Variants in EPB41L5 observed in about 807,000 individuals in gnomAD.
The protein encoded by EPB41L5 is erythrocyte membrane protein band 4.1 like 5.
In EPB41L5, 55 loss-of-function variants were observed where a neutral mutation model predicts 106.6. That is an observed-to-expected ratio of 0.52 (90% CI 0.42 to 0.65). The LOEUF (loss-of-function observed/expected upper bound fraction) is 0.65, where lower values mean the gene tolerates loss of function less well. Ranked by LOEUF, EPB41L5 falls within the 30% of genes least tolerant of loss-of-function variation. EPB41L5 has a pLI of 0.00. For synonymous variants in EPB41L5, 297 were observed against 306.7 expected (o/e 0.97, Z 0.33); for missense variants, 871 against 882.1 (o/e 0.99, Z 0.16).
chr2:120,074,033 T>C, intron 4 of EPB41L5, 67 bp from the exon 5 acceptor site: 2 of 1,271,466 alleles, frequency 1.6e-6, no homozygotes, highest in South Asian at 2.8e-5. Context: ...TTTGACCAGT[T>C]TTCTGGCTGA....
At chr2:120,041,518 C>T (rs577306258) in intron 2 of EPB41L5, among the ~76,000 whole-genome samples, 112 of 152,236 alleles carry the variant, frequency 7.4e-4, no homozygotes, top group African/African-American at 2.6e-3. Context: ...TCTTACCTTA[C>T]GTTCTCTTCC....
chr2:120,057,564 A>G (rs1281607258), intron 3 of EPB41L5, among the ~76,000 whole-genome samples: 1 of 152,136 alleles, frequency 6.6e-6, no homozygotes, highest in Non-Finnish European at 1.5e-5. Context: ...GGGAAGATGG[A>G]TAATGGTATA....
chr2:120,140,566 A>C (rs1473289048), intron 18 of EPB41L5, among the ~76,000 whole-genome samples: 2 of 152,032 alleles, frequency 1.3e-5, no homozygotes, highest in African/African-American at 2.4e-5. Flanking sequence ...CCGATCTGAA[A>C]ATTTAAAATT....
At chr2:120,085,951 G>C (rs1299298384) in intron 10 of EPB41L5, among the ~76,000 whole-genome samples, 1 of 152,158 alleles carries the variant, frequency 6.6e-6, no homozygotes, top group Non-Finnish European at 1.5e-5. Context: ...GCTCACTCCT[G>C]TAATCCCCAC....
chr2:120,121,124 C>G (rs1341670728), intron 16 of EPB41L5, among the ~76,000 whole-genome samples: 1 of 152,180 alleles, frequency 6.6e-6, no homozygotes, highest in Non-Finnish European at 1.5e-5. Flanking sequence ...TCTAAAACAT[C>G]TGTCCAATTG....
chr2:120,118,669 G>T (rs562908949), intron 16 of EPB41L5, among the ~76,000 whole-genome samples: 1 of 152,184 alleles, frequency 6.6e-6, no homozygotes, highest in African/African-American at 2.4e-5. Context: ...TGCAAAGGAC[G>T]TGATCTCATT....
chr2:120,050,155 T>G (rs1680127354), intron 3 of EPB41L5, among the ~76,000 whole-genome samples: 1 of 152,200 alleles, frequency 6.6e-6, no homozygotes, highest in Admixed American at 6.5e-5. Flanking sequence ...GAGTTGCTCT[T>G]CTCGAGGAGT....
intron 10 of EPB41L5, among the ~76,000 whole-genome samples, chr2:120,079,158 A>C (rs943876243): frequency 1.6e-4 from 25 of 152,338 alleles, no homozygotes; most frequent in African/African-American, 5.3e-4. Context: ...CTCTATCAGA[A>C]TAGTACAGAG....
At chr2:120,044,434 A>G (rs1404090442) in intron 3 of EPB41L5, among the ~76,000 whole-genome samples, 1 of 152,210 alleles carries the variant, frequency 6.6e-6, no homozygotes, top group African/African-American at 2.4e-5. Context: ...TAATTTTAAT[A>G]TCATTCAGCT....
chr2:120,163,131 T>C (rs764587332), intron 21 of EPB41L5, among the ~76,000 whole-genome samples: 7 of 152,048 alleles, frequency 4.6e-5, no homozygotes, highest in African/African-American at 7.2e-5. Context: ...TTGGCATGCC[T>C]GTAGTCCTAT....
chr2:120,148,317 A>G (rs1362254131), intron 20 of EPB41L5, among the ~76,000 whole-genome samples: 1 of 151,742 alleles, frequency 6.6e-6, no homozygotes, highest in African/African-American at 2.4e-5. Flanking sequence ...CCTTACCCTC[A>G]CTCCTTACCC....
chr2:120,043,051 A>G (rs915845982), intron 3 of EPB41L5, among the ~76,000 whole-genome samples: 9 of 137,888 alleles, frequency 6.5e-5, no homozygotes, highest in African/African-American at 2.7e-4. Context: ...GTGTGTGTTT[A>G]GAGGGGAACT....
Position 120,077,015 on chromosome 2 carries a change from G to A in EPB41L5, c.550G>A (p.Val184Ile). 1 of 1,612,168 alleles carries A rather than the reference G, an allele frequency of 6.2e-7. No homozygotes were observed. The highest frequency in any genetic ancestry group is 8.5e-7 in the Non-Finnish European group (1 of 1,178,722). ...YDLAEHSPEL[V>I]SEFRFVPIQT... is the part of the protein sequence containing the mutation. ...TCTTGCTGAGCATAGTCCTGAACTT[G>A]TCTCAGAGTTCAGATTCGTGCCTAT... is the stretch of plus-strand genomic sequence containing the variant. The change falls in exon 8 of 25, where the codon GTC becomes ATC. Residue 184 changes from valine to isoleucine, a missense_variant. Coordinates refer to ENST00000263713, the MANE Select transcript of EPB41L5 (RefSeq NM_020909.4).
At chr2:120,105,163 G>A (rs1684375791) in intron 16 of EPB41L5, 2 of 979,348 alleles carry the variant, frequency 2.0e-6, no homozygotes, top group Non-Finnish European at 1.2e-6. Context: ...TTAAACTTTA[G>A]AATTTCAAGC....
At chr2:120,161,892 C>G (rs1431657138) in intron 21 of EPB41L5, among the ~76,000 whole-genome samples, 1 of 152,186 alleles carries the variant, frequency 6.6e-6, no homozygotes, top group Non-Finnish European at 1.5e-5. Flanking sequence ...AGTTTCATCT[C>G]AAAACCATAC....
chr2:120,154,577 C>G (rs1686823730), intron 20 of EPB41L5, among the ~76,000 whole-genome samples: 1 of 152,160 alleles, frequency 6.6e-6, no homozygotes, highest in Admixed American at 6.5e-5. Context: ...TCTGCAAAAC[C>G]TTTGTTCTCC....
chr2:120,136,242 TA>T (rs923831155), intron 18 of EPB41L5, among the ~76,000 whole-genome samples: 2 of 145,594 alleles, frequency 1.4e-5, no homozygotes, highest in African/African-American at 5.0e-5. Flanking sequence ...TAACCTCAAA[TA>T]AAAAAGCCTA....
chr2:120,139,918 ATATC>A (rs1158513874), intron 18 of EPB41L5, among the ~76,000 whole-genome samples: 1 of 152,070 alleles, frequency 6.6e-6, no homozygotes, highest in Non-Finnish European at 1.5e-5. Context: ...ATCAACCTAA[ATATC>A]TATCAACAGA....
intron 18 of EPB41L5, 55 bp from the exon 19 acceptor site, chr2:120,142,948 T>G (rs1686243341): frequency 6.7e-7 from 1 of 1,488,074 alleles, no homozygotes; most frequent in Non-Finnish European, 9.3e-7. Context: ...ATTTCCTATT[T>G]CCATATAACT....
Sources: gnomAD v4.1 joint callset for allele counts (sites outside exome capture counted in the v4.1 genomes callset) on GRCh38, gnomAD v4.1.1 for gene constraint, MANE v1.5 for transcripts, NCBI Gene and HGNC (gene_info 2026-07-23, HGNC 2026-07-21) for gene names.